PDZD2: variants seen among roughly 807,000 people sequenced by gnomAD.
PDZD2 encodes PDZ domain containing 2, also known as PDZ domain-containing protein 2.
Under a neutral mutation model 220.7 loss-of-function variants are expected in PDZD2, and 90 were observed. The observed-to-expected ratio is 0.41, with a 90% CI of 0.34 to 0.49. The LOEUF is 0.49. Among genes scored for constraint, PDZD2 ranks in the 20% least tolerant of loss-of-function variants. The probability of loss-of-function intolerance (pLI) is 0.28; values close to 1 mark genes in which losing one functional copy is unlikely to be tolerated. For synonymous variants in PDZD2, 1,375 were observed against 1,450.5 expected (o/e 0.95, Z 1.18); for missense variants, 3,174 against 3,608.5 (o/e 0.88, Z 3.08).
At chr5:31,774,986 A>G (rs937517210) in intron 1 of PDZD2, among the ~76,000 whole-genome samples, 6 of 152,240 alleles carry the variant, frequency 3.9e-5, no homozygotes, top group African/African-American at 1.4e-4. Context: ...GGCTGGTTTC[A>G]AAGTATCAAC....
intron 2 of PDZD2, among the ~76,000 whole-genome samples, chr5:31,885,468 A>G (rs947098189): frequency 1.3e-5 from 2 of 152,190 alleles, no homozygotes; most frequent in Non-Finnish European, 2.9e-5. Context: ...CTTGCATCTG[A>G]ACACATATTC....
intron 1 of PDZD2, among the ~76,000 whole-genome samples, chr5:31,762,075 C>G (rs1751690607): frequency 6.6e-6 from 1 of 152,106 alleles, no homozygotes; most frequent in Non-Finnish European, 1.5e-5. Context: ...CTCTGCAGTA[C>G]CAAGGAGGAA....
intron 3 of PDZD2, among the ~76,000 whole-genome samples, chr5:31,989,903 G>A (rs2111926799): frequency 6.6e-6 from 1 of 152,290 alleles, no homozygotes; most frequent in African/African-American, 2.4e-5. Flanking sequence ...CCTGGGAGAT[G>A]GGACCCTGAA....
intron 1 of PDZD2, among the ~76,000 whole-genome samples, chr5:31,708,150 G>GT (rs149240818): frequency 0.054 from 8,279 of 152,234 alleles, 293 homozygotes; most frequent in Middle Eastern, 0.12. Context: ...TTGGTCTGGC[G>GT]TTTTCACTGT....
intron 2 of PDZD2, among the ~76,000 whole-genome samples, chr5:31,926,654 G>A (rs1744806112): frequency 6.6e-6 from 1 of 152,084 alleles, no homozygotes; most frequent in South Asian, 2.1e-4. Flanking sequence ...GTGGAAAGCT[G>A]TTTGGAGATT....
intron 8 of PDZD2, among the ~76,000 whole-genome samples, chr5:32,051,906 A>T: frequency 6.6e-6 from 1 of 152,156 alleles, no homozygotes; most frequent in East Asian, 1.9e-4. Context: ...AAATGGCAAG[A>T]TACTTTCTAA....
intron 2 of PDZD2, among the ~76,000 whole-genome samples, chr5:31,921,062 C>T (rs1460719537): frequency 6.6e-6 from 1 of 152,230 alleles, no homozygotes; most frequent in Non-Finnish European, 1.5e-5. Context: ...ATGAATGAAG[C>T]TGCTGTAAAC....
At chr5:31,872,252 G>A (rs1369108319) in intron 2 of PDZD2, among the ~76,000 whole-genome samples, 1 of 151,996 alleles carries the variant, frequency 6.6e-6, no homozygotes, top group Non-Finnish European at 1.5e-5. Flanking sequence ...AGTCTAGAGA[G>A]TGCTCCATCT....
chr5:31,808,119 G>A (rs966284110), intron 2 of PDZD2, among the ~76,000 whole-genome samples: 10 of 152,160 alleles, frequency 6.6e-5, no homozygotes, highest in Admixed American at 2.6e-4. Context: ...ATTGTAGCTT[G>A]ATACTGTAGT....
At chr5:32,043,615 C>T (rs1237511259) in intron 7 of PDZD2, among the ~76,000 whole-genome samples, 1 of 152,166 alleles carries the variant, frequency 6.6e-6, no homozygotes, top group Non-Finnish European at 1.5e-5. Context: ...CTGTTATTAC[C>T]ACTGTCATTT....
chr5:31,724,073 T>A (rs1748965601), intron 1 of PDZD2, among the ~76,000 whole-genome samples: 1 of 152,178 alleles, frequency 6.6e-6, no homozygotes, highest in African/African-American at 2.4e-5. Context: ...GAACCTACTT[T>A]GAAACAATTT....
chr5:31,826,443 C>T (rs1023203156), intron 2 of PDZD2, among the ~76,000 whole-genome samples: 10 of 151,946 alleles, frequency 6.6e-5, no homozygotes, highest in Admixed American at 2.6e-4. Flanking sequence ...GAAGCCGAGG[C>T]GGGTGGATCA....
At chr5:31,841,852 TC>T (rs1246205835) in intron 2 of PDZD2, among the ~76,000 whole-genome samples, 1 of 151,712 alleles carries the variant, frequency 6.6e-6, no homozygotes, top group African/African-American at 2.4e-5. Context: ...ATGCCTGTAG[TC>T]CCAGCTACTC....
rs1411944886 is a variant in PDZD2 at position 31,988,152 on chromosome 5, T to C, written c.978+4496T>C. 2.6e-5 allele frequency among the ~76,000 whole-genome samples: 4 copies of C among 152,226 alleles called. No homozygotes were observed. In the South Asian group the frequency reaches 6.2e-4, roughly 24 times the overall value. On this transcript the variant is annotated intron_variant, in intron 3 of 24. Transcript: ENST00000438447. ...ATCTCATTACTCACACACATACACA[T>C]AGGTGCACAACATACATGTGCATGC...
chr5:31,767,984 C>CT (rs1330450861), intron 1 of PDZD2, among the ~76,000 whole-genome samples: 1 of 152,192 alleles, frequency 6.6e-6, no homozygotes, highest in Non-Finnish European at 1.5e-5. Context: ...GGAACAGTGT[C>CT]TTTTTTACCA....
chr5:31,755,879 G>T (rs1336768714), intron 1 of PDZD2, among the ~76,000 whole-genome samples: 2 of 152,104 alleles, frequency 1.3e-5, no homozygotes, highest in Admixed American at 1.3e-4. Context: ...AAAAGGCTAT[G>T]TATTTACTGC....
intron 2 of PDZD2, among the ~76,000 whole-genome samples, chr5:31,849,786 G>T (rs2150294309): frequency 6.7e-6 from 1 of 150,044 alleles, no homozygotes; most frequent in South Asian, 2.1e-4. Flanking sequence ...AGAGGTTGCA[G>T]TAAGCCGAGA....
intron 2 of PDZD2, among the ~76,000 whole-genome samples, chr5:31,942,327 C>G (rs1410307550): frequency 6.6e-6 from 1 of 151,874 alleles, no homozygotes; most frequent in Admixed American, 6.6e-5. Flanking sequence ...TTTGGGTGAC[C>G]AAACCTAGAT....
At chr5:31,882,467 G>T (rs758741747) in intron 2 of PDZD2, among the ~76,000 whole-genome samples, 3 of 152,168 alleles carry the variant, frequency 2.0e-5, no homozygotes, top group Non-Finnish European at 4.4e-5. Flanking sequence ...AGGGGAGAGG[G>T]AGGAGAGGGT....
Sources: gnomAD v4.1 joint callset for allele counts (sites outside exome capture counted in the v4.1 genomes callset) on GRCh38, gnomAD v4.1.1 for gene constraint, MANE v1.5 for transcripts, NCBI Gene and HGNC (gene_info 2026-07-23, HGNC 2026-07-21) for gene names.